SIAE: variants seen among roughly 807,000 people sequenced by gnomAD.
SIAE encodes sialic acid acetylesterase, also known as sialate O-acetylesterase.
SIAE carries 39 observed loss-of-function variants against 52.6 expected under a neutral mutation model. The observed-to-expected ratio is 0.74, with a 90% CI of 0.57 to 0.97. The LOEUF is 0.97. Among genes scored for constraint, SIAE ranks in the 50% least tolerant of loss-of-function variants. The pLI, the probability that SIAE is intolerant of heterozygous loss-of-function variation, is 0.00. For missense variants in SIAE, 592 were observed against 662.1 expected (o/e 0.89, Z 1.16); for synonymous variants, 233 against 241.4 (o/e 0.97, Z 0.32).
intron 7 of SIAE, among the ~76,000 whole-genome samples, chr11:124,641,557 T>C (rs1565408520): frequency 6.6e-6 from 1 of 152,246 alleles, no homozygotes; most frequent in Non-Finnish European, 1.5e-5. Flanking sequence ...TTGCATGTTA[T>C]ATGACTTTCA....
intron 1 of SIAE, 133 bp downstream of exon 1, chr11:124,673,509 G>A (rs1043346700): frequency 9.5e-6 from 10 of 1,057,650 alleles, no homozygotes; most frequent in South Asian, 1.5e-5. Context: ...TCGGAGACGC[G>A]AGCCCCTAGC....
At chr11:124,661,044 G>A (rs1026722526) in intron 2 of SIAE, among the ~76,000 whole-genome samples, 1 of 152,106 alleles carries the variant, frequency 6.6e-6, no homozygotes, top group Non-Finnish European at 1.5e-5. Context: ...AAGTTACCCA[G>A]TTATAATCCT....
At chr11:124,637,350 C>A in intron 9 of SIAE, 148 bp from the exon 10 acceptor site, 1 of 1,069,294 alleles carries the variant, frequency 9.4e-7, no homozygotes, top group Non-Finnish European at 1.4e-6. Context: ...CAAACCTGAG[C>A]CCACTTTGGA....
chr11:124,675,382 G>A (rs570560965), upstream of SIAE: 1 of 1,614,062 alleles, frequency 6.2e-7, no homozygotes, highest in South Asian at 1.1e-5. Flanking sequence ...AGCTTTTGCA[G>A]CAGCCTATTT....
In SIAE at chr11:124,648,083, C is replaced by T; in HGVS notation, c.815G>A (p.Gly272Glu). 6.2e-7 allele frequency: 1 copy of T among 1,613,552 alleles called. No homozygotes were observed. The highest frequency in any genetic ancestry group is 8.5e-7 in the Non-Finnish European group (1 of 1,179,498). ...IHPLCNMTLKGVVWYQGESNI... is the reference protein window; with the variant it reads ...IHPLCNMTLKEVVWYQGESNI... ...ACACTTACCCTGGTACCATACTACC[C>T]CTTTCAGAGTCATATTGCACAGTGG... Residue 272 changes from glycine (G) to glutamate (E), a missense_variant, in exon 6 of 10, where the codon GGG (glycine) becomes GAG (glutamate). Transcript: ENST00000263593.
At position 124,649,674 on chromosome 11, in the gene SIAE, TG is replaced by T; in HGVS notation, c.666del (p.Ile223LeufsTer10). 1 of 1,614,162 alleles carries T rather than the reference TG, an allele frequency of 6.2e-7. No individual in the cohort carries two copies. Among genetic ancestry groups the T allele is most frequent in the Non-Finnish European group, 8.5e-7 (1 of 1,180,020 alleles). On this transcript the variant is annotated frameshift_variant, in exon 5 of 10. Transcript: ENST00000263593. LOFTEE classifies it high-confidence loss of function. Reference sequence around the variant, plus strand: ...GACCGTCCAGATGACCAGGCTTCAATGGGTGTCCCGCCCCAGCTGGAGGCGA... The same window carrying T: ...GACCGTCCAGATGACCAGGCTTCAATGGTGTCCCGCCCCAGCTGGAGGCGA... ...GLIASSWGGT[P>X]IEAWSSGRSL...
intron 2 of SIAE, among the ~76,000 whole-genome samples, chr11:124,664,382 C>A (rs1370745540): frequency 1.3e-5 from 2 of 152,112 alleles, no homozygotes; most frequent in Non-Finnish European, 2.9e-5. Flanking sequence ...CAGGTGCGCA[C>A]CACCACGCTC....
At chr11:124,671,380 A>C (rs1191136150) in intron 1 of SIAE, among the ~76,000 whole-genome samples, 1 of 152,188 alleles carries the variant, frequency 6.6e-6, no homozygotes, top group Non-Finnish European at 1.5e-5. Context: ...TAATAATAAT[A>C]ATAGCAGGCA....
intron 3 of SIAE, 121 bp downstream of exon 3, chr11:124,660,507 T>G (rs1298877168): frequency 2.2e-6 from 2 of 912,614 alleles, no homozygotes; most frequent in Non-Finnish European, 3.6e-6. Context: ...AGAACATATC[T>G]TGGCTCATGG....
Position 124,637,005 on chromosome 11 carries a change from G to A in SIAE, c.1518C>T (p.Phe506=), listed in dbSNP as rs1385512975. ...HPSSALPAPP[F]IAFITDQGPG... ...GACCCTGGTCTGTAATGAAAGCAAT[G>A]AAGGGAGGGGCTGGCAGGGCACTAC... The change falls in exon 10 of 10, where the codon TTC becomes TTT. Residue 506 remains phenylalanine (F), a synonymous_variant. Transcript: ENST00000263593. The A allele has an allele frequency of 1.2e-6, 2 of 1,614,232 alleles. No individual in the cohort carries two copies. Among genetic ancestry groups the A allele is most frequent in the South Asian group, 2.2e-5 (2 of 91,084 alleles).
chr11:124,655,192 T>G (rs918650382), intron 3 of SIAE, among the ~76,000 whole-genome samples: 1 of 149,506 alleles, frequency 6.7e-6, no homozygotes, highest in African/African-American at 2.5e-5. Context: ...TTTTTTTTTG[T>G]GTGTGAGACA....
rs1324356015 is a variant in SIAE, at chr11:124,634,283, C to G, written c.*2668G>C. On this transcript the variant is annotated 3_prime_UTR_variant, in exon 10 of 10. Coordinates refer to ENST00000263593, the MANE Select transcript of SIAE (RefSeq NM_170601.5). ...CCGGGAGGCAGAGGTTGCAGTGAGC[C>G]GAGACCGCGCCACTGCACTCCAGCC... is the stretch of plus-strand genomic sequence containing the variant. 1 of 152,272 alleles carries G rather than the reference C, an allele frequency of 6.6e-6. No individual in the cohort carries two copies. Among genetic ancestry groups the G allele is most frequent in the Non-Finnish European group, 1.5e-5 (1 of 68,162 alleles). 9.4% of individuals were successfully genotyped at this position (152,272 alleles called of 1,614,324 possible). A position where few individuals can be genotyped will look rare whatever the true frequency, so the allele number is the denominator to read the frequency against.
rs1248299282 is a variant in SIAE at position 124,637,008 on chromosome 11, GGGA to G, written c.1512_1514del (p.Pro505del). ...CCTGGTCTGTAATGAAAGCAATGAA[GGGA>G]GGGGCTGGCAGGGCACTACTGGGGT... On this transcript the variant is annotated inframe_deletion, in exon 10 of 10. Coordinates refer to ENST00000263593, the MANE Select transcript of SIAE (RefSeq NM_170601.5). 17 of 1,614,210 alleles carry G rather than the reference GGGA, an allele frequency of 1.1e-5. No individual in the cohort carries two copies. The highest frequency in any genetic ancestry group is 1.4e-5 in the Non-Finnish European group (16 of 1,180,040).
At chr11:124,673,865 A>ATT, upstream of SIAE, 6 of 633,136 alleles carry the variant, frequency 9.5e-6, no homozygotes, top group East Asian at 3.5e-5. Context: ...CGGCCGCCGT[A>ATT]GTTTTTTTTT....
chr11:124,637,364 A>C (rs762158039), intron 9 of SIAE, among the ~76,000 whole-genome samples, 162 bp from the exon 10 acceptor site: 1 of 152,232 alleles, frequency 6.6e-6, no homozygotes, highest in Non-Finnish European at 1.5e-5. Flanking sequence ...CTTTGGATCT[A>C]GTCAGCACAG....
upstream of SIAE, chr11:124,674,005 T>G: frequency 2.3e-6 from 1 of 443,964 alleles, no homozygotes; most frequent in Admixed American, 3.5e-5. Context: ...CCTTTTCCCT[T>G]CGTCTCTCTT....
intron 3 of SIAE, chr11:124,660,235 A>G: frequency 3.5e-6 from 1 of 283,994 alleles, no homozygotes; most frequent in Non-Finnish European, 6.8e-6. Context: ...GGTTGCAGTG[A>G]GCTGAGATTG....
Position 124,669,414 on chromosome 11 carries a change from C to T in SIAE, c.175G>A (p.Val59Met), listed in dbSNP as rs1294351904. The change falls in exon 2 of 10, where the codon GTG becomes ATG. Residue 59 changes from valine to methionine, a missense_variant. By Grantham distance (21) the Val-to-Met change is conservative. Transcript: ENST00000263593. ...GTTTCCTGACCTTGGCGCAGGGTCACGGTCACTGTGGCTCCAGGTGTACCG... is the reference window on the plus strand; with the variant it reads ...GTTTCCTGACCTTGGCGCAGGGTCATGGTCACTGTGGCTCCAGGTGTACCG... ...GFGTPGATVT[V>M]TLRQGQETIM... The T allele has an allele frequency of 6.2e-6, 10 of 1,614,088 alleles. No individual in the cohort carries two copies. Among genetic ancestry groups the T allele is most frequent in the African/African-American group, 4.0e-5 (3 of 74,928 alleles).
chr11:124,641,870 G>C (rs1181761330), intron 7 of SIAE, among the ~76,000 whole-genome samples: 2 of 144,080 alleles, frequency 1.4e-5, no homozygotes, highest in East Asian at 2.2e-4. Flanking sequence ...TGAGGCAGGA[G>C]AATCACTTGA....
Sources: gnomAD v4.1 joint callset for allele counts (sites outside exome capture counted in the v4.1 genomes callset) on GRCh38, gnomAD v4.1.1 for gene constraint, MANE v1.5 for transcripts, NCBI Gene and HGNC (gene_info 2026-07-23, HGNC 2026-07-21) for gene names.